DLG2: variants seen among roughly 807,000 people sequenced by gnomAD.
DLG2 encodes disks large homolog 2.
In DLG2, 45 loss-of-function variants were observed where a neutral mutation model predicts 132.5. The ratio of observed to expected loss-of-function variants is 0.34; its 90% CI spans 0.27 to 0.44. The LOEUF is 0.44. DLG2 is among the 20% of genes least tolerant of loss of function. DLG2 has a pLI of 1.00. For missense variants in DLG2, 1,045 were observed against 1,196.9 expected (o/e 0.87, Z 1.87); for synonymous variants, 424 against 419.6 (o/e 1.01, Z -0.13).
chr11:85,163,246 ATTAG>A (rs1477136760), intron 4 of DLG2, among the ~76,000 whole-genome samples: 2 of 150,368 alleles, frequency 1.3e-5, no homozygotes, highest in Non-Finnish European at 3.0e-5. Flanking sequence ...CACACACACT[ATTAG>A]TTCTGTCCCT....
chr11:85,229,163 ATATCCT>A lies in DLG2; in HGVS notation c.186+56051_186+56056del, dbSNP rs1360044364. Among the ~76,000 whole-genome samples, 15 of 148,054 alleles carry A rather than the reference ATATCCT, an allele frequency of 1.0e-4. 1 individual carries two copies. The highest frequency in any genetic ancestry group is 3.7e-4 in the African/African-American group (15 of 40,336). On this transcript the variant is annotated intron_variant, in intron 4 of 27. Coordinates refer to ENST00000376104, the MANE Select transcript of DLG2 (RefSeq NM_001142699.3). ...GCTTTTGTTTTCATATGTTGTATAC[ATATCCT>A]ATAGATCAACAACACAGTATTTTTT...
At chr11:84,656,361 A>G (rs1290959977) in intron 6 of DLG2, among the ~76,000 whole-genome samples, 1 of 152,176 alleles carries the variant, frequency 6.6e-6, no homozygotes, top group Non-Finnish European at 1.5e-5. Flanking sequence ...CATATAAAAC[A>G]TAGGTCTGCT....
chr11:83,727,213 C>T (rs745432934), intron 18 of DLG2, among the ~76,000 whole-genome samples: 1 of 152,132 alleles, frequency 6.6e-6, no homozygotes, highest in Non-Finnish European at 1.5e-5. Context: ...CCACTCATTC[C>T]CTGGTTGAGA....
chr11:84,173,850 C>T (rs2095876798), intron 8 of DLG2, among the ~76,000 whole-genome samples: 1 of 152,048 alleles, frequency 6.6e-6, no homozygotes, highest in Admixed American at 6.6e-5. Flanking sequence ...CTCGCAACTT[C>T]CCTTTCCTTC....
chr11:83,803,811 C>A (rs560773248), intron 17 of DLG2, among the ~76,000 whole-genome samples: 1 of 152,084 alleles, frequency 6.6e-6, no homozygotes, highest in East Asian at 1.9e-4. Flanking sequence ...ATCTGTCAAA[C>A]AGTCCACTCC....
At chr11:84,419,656 C>T (rs779955118) in intron 7 of DLG2, among the ~76,000 whole-genome samples, 33 of 152,274 alleles carry the variant, frequency 2.2e-4, no homozygotes, top group Admixed American at 3.9e-4. Flanking sequence ...TCTATAAGAT[C>T]CCCACCCCCA....
intron 6 of DLG2, among the ~76,000 whole-genome samples, chr11:84,809,453 A>G (rs1340012634): frequency 7.9e-5 from 4 of 50,374 alleles, no homozygotes; most frequent in African/African-American, 3.9e-4. Context: ...AATAAAAGTC[A>G]TAAGAAAGAA....
intron 6 of DLG2, among the ~76,000 whole-genome samples, chr11:84,815,560 T>A (rs1213090880): frequency 6.6e-6 from 1 of 152,060 alleles, no homozygotes; most frequent in Non-Finnish European, 1.5e-5. Flanking sequence ...ATCGCTAGTT[T>A]AAAGTAAATT....
chr11:85,367,681 C>T (rs1180402291), intron 3 of DLG2, among the ~76,000 whole-genome samples: 1 of 152,042 alleles, frequency 6.6e-6, no homozygotes, highest in African/African-American at 2.4e-5. Flanking sequence ...TAAAATACTT[C>T]ATGGGAATTT....
chr11:85,444,083 A>G (rs1193162578), intron 3 of DLG2, among the ~76,000 whole-genome samples: 1 of 152,198 alleles, frequency 6.6e-6, no homozygotes, highest in African/African-American at 2.4e-5. Flanking sequence ...ATCCTATTAT[A>G]TGATATTCAC....
intron 6 of DLG2, among the ~76,000 whole-genome samples, chr11:84,803,202 A>G (rs2075623768): frequency 4.6e-5 from 7 of 152,222 alleles, no homozygotes; most frequent in Admixed American, 4.6e-4. Context: ...TGTAGAATAT[A>G]TTGTAGATGC....
At position 84,896,882 on chromosome 11, in the gene DLG2, A is replaced by T. The variant is rs983000497; in HGVS notation, c.357+214779T>A. Among the ~76,000 whole-genome samples the T allele has an allele frequency of 5.9e-5, 9 of 152,034 alleles. 1 individual carries two copies. The highest frequency in any genetic ancestry group is 3.9e-4 in the Admixed American group (6 of 15,258). On this transcript the variant is annotated intron_variant, in intron 6 of 27. Transcript: ENST00000376104. ...GTATGTATGCATAGCTGGAAAAAAA[A>T]AACATAGTCTATTCAGGTACTGTCT...
At chr11:83,988,071 C>G (rs1286594854) in intron 11 of DLG2, among the ~76,000 whole-genome samples, 1 of 151,924 alleles carries the variant, frequency 6.6e-6, no homozygotes, top group Non-Finnish European at 1.5e-5. Context: ...CAATTTTTCT[C>G]CCATTCTGTA....
At chr11:83,695,400 G>C (rs1245902415) in intron 18 of DLG2, among the ~76,000 whole-genome samples, 1 of 152,196 alleles carries the variant, frequency 6.6e-6, no homozygotes, top group African/African-American at 2.4e-5. Flanking sequence ...CCTCTAATGA[G>C]GGAGAAATTA....
chr11:84,122,584 CAAAA>C (rs34680496), intron 9 of DLG2, among the ~76,000 whole-genome samples: 6 of 151,406 alleles, frequency 4.0e-5, no homozygotes, highest in African/African-American at 1.5e-4. Context: ...GGCAAACAAA[CAAAA>C]AAAAAAGTTG....
chr11:83,853,557 A>C (rs1251893419), intron 16 of DLG2, among the ~76,000 whole-genome samples: 1 of 152,180 alleles, frequency 6.6e-6, no homozygotes, highest in East Asian at 1.9e-4. Flanking sequence ...AGAACACTAA[A>C]GTTATAATCT....
At chr11:84,164,696 T>C (rs148289361) in intron 8 of DLG2, among the ~76,000 whole-genome samples, 2 of 152,244 alleles carry the variant, frequency 1.3e-5, no homozygotes, top group Non-Finnish European at 1.5e-5. Context: ...AAATTGAATG[T>C]AGTATCATCA....
At chr11:84,844,024 T>A (rs1758389946) in intron 6 of DLG2, among the ~76,000 whole-genome samples, 1 of 148,516 alleles carries the variant, frequency 6.7e-6, no homozygotes, top group African/African-American at 2.5e-5. Flanking sequence ...CATACATATT[T>A]TTATGTATAT....
chr11:83,556,485 A>T (rs921716183), intron 19 of DLG2, among the ~76,000 whole-genome samples: 1 of 151,380 alleles, frequency 6.6e-6, no homozygotes, highest in Non-Finnish European at 1.5e-5. Flanking sequence ...TGATCCTCCC[A>T]TCTCAGCCTC....
Sources: gnomAD v4.1 joint callset for allele counts (sites outside exome capture counted in the v4.1 genomes callset) on GRCh38, gnomAD v4.1.1 for gene constraint, MANE v1.5 for transcripts, NCBI Gene and HGNC (gene_info 2026-07-23, HGNC 2026-07-21) for gene names.